NAALADL2: variants seen among roughly 807,000 people sequenced by gnomAD.
NAALADL2 encodes the protein N-acetylated alpha-linked acidic dipeptidase like 2.
NAALADL2 carries 76 observed loss-of-function variants against 87.2 expected under a neutral mutation model. The ratio of observed to expected loss-of-function variants is 0.87; its 90% CI spans 0.72 to 1.05. The LOEUF is 1.05. Ranked by LOEUF, NAALADL2 falls within the 50% of genes least tolerant of loss-of-function variation. The pLI is 0.00. For synonymous variants in NAALADL2, 354 were observed against 331.0 expected (o/e 1.07, Z -0.75); for missense variants, 1,089 against 945.8 (o/e 1.15, Z -1.99).
At chr3:175,018,236 G>A (rs1401739483) in intron 1 of NAALADL2, among the ~76,000 whole-genome samples, 1 of 151,950 alleles carries the variant, frequency 6.6e-6, no homozygotes, top group Non-Finnish European at 1.5e-5. Flanking sequence ...CATCAAATAC[G>A]TACACAAGGT....
chr3:175,109,083 T>G (rs1332645238), intron 2 of NAALADL2, among the ~76,000 whole-genome samples: 1 of 151,884 alleles, frequency 6.6e-6, no homozygotes, highest in Non-Finnish European at 1.5e-5. Flanking sequence ...GATTGTTTAA[T>G]TTTTAAATTA....
chr3:174,990,260 C>T (rs1464099359), intron 1 of NAALADL2, among the ~76,000 whole-genome samples: 2 of 152,140 alleles, frequency 1.3e-5, no homozygotes, highest in African/African-American at 2.4e-5. Flanking sequence ...GATATTTTTG[C>T]TGTTTTATCT....
chr3:174,988,048 A>G (rs931934656), intron 1 of NAALADL2, among the ~76,000 whole-genome samples: 17 of 152,000 alleles, frequency 1.1e-4, no homozygotes, highest in Non-Finnish European at 1.8e-4. Context: ...TGAACAAAAT[A>G]TGGTAGTATC....
At chr3:175,239,267 G>A (rs1019475974) in intron 3 of NAALADL2, among the ~76,000 whole-genome samples, 10 of 152,190 alleles carry the variant, frequency 6.6e-5, no homozygotes, top group African/African-American at 2.4e-4. Flanking sequence ...AATTTAGCAT[G>A]TGTAAGGTTA....
chr3:174,451,783 A>G (rs114714649), intron 1 of NAALADL2, among the ~76,000 whole-genome samples: 164 of 152,142 alleles, frequency 1.1e-3, no homozygotes, highest in African/African-American at 3.7e-3. Flanking sequence ...TGACATAAAG[A>G]CAAAAATAAT....
At chr3:174,882,600 C>CAT (rs149136252) in intron 1 of NAALADL2, among the ~76,000 whole-genome samples, 4,171 of 135,284 alleles carry the variant, frequency 0.031, 399 homozygotes, top group African/African-American at 0.12. Flanking sequence ...TGTATATACA[C>CAT]ATACATATAT....
At chr3:174,823,655 G>A (rs1188164945) in intron 3 of NAALADL2, among the ~76,000 whole-genome samples, 1 of 152,084 alleles carries the variant, frequency 6.6e-6, no homozygotes, top group Non-Finnish European at 1.5e-5. Context: ...TTTATTATAA[G>A]GAAAGAAAAC....
At chr3:174,871,859 A>G (rs1727864800) in intron 1 of NAALADL2, among the ~76,000 whole-genome samples, 1 of 152,276 alleles carries the variant, frequency 6.6e-6, no homozygotes, top group South Asian at 2.1e-4. Context: ...AGATCATGCC[A>G]CTGTACTCCA....
At chr3:175,207,464 A>G (rs978741925) in intron 2 of NAALADL2, among the ~76,000 whole-genome samples, 3 of 151,854 alleles carry the variant, frequency 2.0e-5, no homozygotes, top group Non-Finnish European at 2.9e-5. Context: ...TCTCCCGTAC[A>G]ACAATGACTT....
rs189678616 is a variant in NAALADL2 at position 174,584,455 on chromosome 3, C to A, written c.-115+33818C>A. 2.3e-3 allele frequency among the ~76,000 whole-genome samples: 356 copies of A among 152,024 alleles called. No homozygotes were observed. In the Middle Eastern group the frequency reaches 0.024, roughly 10 times the overall value. ...TTTTTAGTACATCAGATTTATTTTT[C>A]TTTTTATCATGTATATGTTAAAGAT... On this transcript the variant is annotated intron_variant, in intron 2 of 3. Coordinates refer to the NAALADL2 transcript ENST00000434257.
intron 11 of NAALADL2, among the ~76,000 whole-genome samples, chr3:175,700,512 T>TA (rs1280992874): frequency 6.6e-6 from 1 of 152,176 alleles, no homozygotes. Flanking sequence ...TGATGATACG[T>TA]ATTGAAGATC....
At chr3:175,544,966 A>T (rs1219055841) in intron 9 of NAALADL2, among the ~76,000 whole-genome samples, 2 of 152,152 alleles carry the variant, frequency 1.3e-5, no homozygotes, top group East Asian at 1.9e-4. Flanking sequence ...ATGTACAAAC[A>T]CTCAAGATTC....
At chr3:174,877,277 C>A (rs1728627979) in intron 1 of NAALADL2, among the ~76,000 whole-genome samples, 1 of 152,136 alleles carries the variant, frequency 6.6e-6, no homozygotes. Flanking sequence ...ATGCACCAAA[C>A]TTGAGATCTC....
At chr3:175,174,124 A>G (rs906696370) in intron 2 of NAALADL2, among the ~76,000 whole-genome samples, 2 of 152,216 alleles carry the variant, frequency 1.3e-5, no homozygotes, top group Non-Finnish European at 2.9e-5. Flanking sequence ...TCACAAACAT[A>G]TATAACACAG....
At chr3:175,713,393 G>A (rs150134234) in intron 11 of NAALADL2, among the ~76,000 whole-genome samples, 248 of 152,166 alleles carry the variant, frequency 1.6e-3, no homozygotes, top group Admixed American at 3.3e-3. Context: ...ACAGTCTGTG[G>A]TGATTCATAC....
intron 4 of NAALADL2, among the ~76,000 whole-genome samples, chr3:175,277,401 A>G (rs1459925233): frequency 6.6e-6 from 1 of 152,154 alleles, no homozygotes; most frequent in East Asian, 1.9e-4. Context: ...TTCCTAATTT[A>G]TTCATTTTTG....
chr3:175,717,521 G>C (rs1582998570), intron 11 of NAALADL2, among the ~76,000 whole-genome samples: 1 of 151,806 alleles, frequency 6.6e-6, no homozygotes, highest in African/African-American at 2.4e-5. Flanking sequence ...GCAAAACCCT[G>C]TCTATACAAA....
At chr3:175,639,583 G>A (rs917884017) in intron 11 of NAALADL2, among the ~76,000 whole-genome samples, 1 of 151,990 alleles carries the variant, frequency 6.6e-6, no homozygotes, top group African/African-American at 2.4e-5. Flanking sequence ...GCCTCCCAAA[G>A]TGCTGGGATT....
chr3:174,837,850 C>A (rs1723527962), intron 3 of NAALADL2, among the ~76,000 whole-genome samples: 1 of 151,228 alleles, frequency 6.6e-6, no homozygotes, highest in African/African-American at 2.4e-5. Flanking sequence ...ACAAAGAAGT[C>A]CAGGACCAGA....
Sources: allele counts gnomAD v4.1 joint callset (sites outside exome capture counted in the v4.1 genomes callset), GRCh38; gene constraint gnomAD v4.1.1; transcripts MANE v1.5; gene names NCBI Gene and HGNC (gene_info 2026-07-23, HGNC 2026-07-21).